NTM: variants seen among roughly 807,000 people sequenced by gnomAD.
NTM encodes IgLON family member 2.
NTM carries 13 observed loss-of-function variants against 42.1 expected under a neutral mutation model. That is an observed-to-expected ratio of 0.31 (90% confidence interval 0.20 to 0.49). The LOEUF (loss-of-function observed/expected upper bound fraction) is 0.49, where lower values mean the gene tolerates loss of function less well. Among genes scored for constraint, NTM ranks in the 20% least tolerant of loss-of-function variants. The pLI, the probability that NTM is intolerant of heterozygous loss-of-function variation, is 0.99. For missense variants in NTM, 373 were observed against 452.8 expected (o/e 0.82, Z 1.60); for synonymous variants, 187 against 179.2 (o/e 1.04, Z -0.35).
intron 1 of NTM, among the ~76,000 whole-genome samples, chr11:131,559,819 C>T (rs1402158650): frequency 6.6e-6 from 1 of 152,190 alleles, no homozygotes; most frequent in Non-Finnish European, 1.5e-5. Context: ...ACATGAGAGG[C>T]TCACTTTCGT....
Position 131,598,703 on chromosome 11 carries a change from CTTTCTTTCTTTCTT to C in NTM, c.82+227817_82+227830del, listed in dbSNP as rs1328429722. On this transcript the variant is annotated intron_variant, in intron 1 of 8. Coordinates refer to ENST00000683400, the MANE Select transcript of NTM (RefSeq NM_001352005.2). ...ATTTGTTTTCTTTCTTTCTTTCTTT[CTTTCTTTCTTTCTT>C]TCTTTCTTTCTTTCTTTCTTTCTTT... 9.7e-4 allele frequency among the ~76,000 whole-genome samples: 45 copies of C among 46,558 alleles called. 2 individuals are homozygous for C. Among genetic ancestry groups the C allele is most frequent in the South Asian group, 9.1e-3 (11 of 1,212 alleles). 30.5% of individuals were successfully genotyped at this position (46,558 alleles called of 152,430 possible).
chr11:131,963,752 A>G (rs1021758563), intron 2 of NTM, among the ~76,000 whole-genome samples: 2 of 152,242 alleles, frequency 1.3e-5, no homozygotes, highest in Admixed American at 1.3e-4. Flanking sequence ...AATAATGATG[A>G]CAGCTACACT....
At chr11:131,612,062 G>A (rs552767961) in intron 1 of NTM, among the ~76,000 whole-genome samples, 1 of 152,254 alleles carries the variant, frequency 6.6e-6, no homozygotes, top group South Asian at 2.1e-4. Context: ...TATCACATTT[G>A]CCACCACATC....
chr11:132,151,250 C>T (rs1043580437), intron 3 of NTM, among the ~76,000 whole-genome samples: 1 of 152,206 alleles, frequency 6.6e-6, no homozygotes, highest in Admixed American at 6.5e-5. Context: ...GTGGATAAAA[C>T]ATTCAGTGGG....
At chr11:132,222,783 A>G (rs756245690) in intron 4 of NTM, among the ~76,000 whole-genome samples, 15 of 152,072 alleles carry the variant, frequency 9.9e-5, no homozygotes, top group Non-Finnish European at 1.6e-4. Context: ...ACCCTGAAAA[A>G]CAAACCTCTT....
intron 2 of NTM, among the ~76,000 whole-genome samples, chr11:131,934,986 G>C (rs550242411): frequency 1.3e-5 from 2 of 152,302 alleles, no homozygotes; most frequent in South Asian, 4.2e-4. Context: ...TGGCCTCTTG[G>C]AGACTGGCTT....
chr11:131,852,525 C>T (rs566826223), intron 1 of NTM, among the ~76,000 whole-genome samples: 11 of 152,218 alleles, frequency 7.2e-5, no homozygotes, highest in African/African-American at 1.9e-4. Flanking sequence ...AAGAGGTAGG[C>T]TAGCAGGTGG....
intron 2 of NTM, among the ~76,000 whole-genome samples, chr11:132,123,576 C>T (rs1424025650): frequency 6.6e-6 from 1 of 152,146 alleles, no homozygotes; most frequent in Non-Finnish European, 1.5e-5. Flanking sequence ...CTGTTTTCGG[C>T]GAGAGCTAGG....
intron 2 of NTM, among the ~76,000 whole-genome samples, chr11:132,129,284 G>A (rs1231103171): frequency 6.6e-6 from 1 of 152,134 alleles, no homozygotes; most frequent in African/African-American, 2.4e-5. Flanking sequence ...TACTATTGAT[G>A]CTCTAAGTGA....
At chr11:131,988,514 A>G (rs1349029052) in intron 2 of NTM, among the ~76,000 whole-genome samples, 1 of 152,198 alleles carries the variant, frequency 6.6e-6, no homozygotes, top group Non-Finnish European at 1.5e-5. Context: ...GCCTGGTGAC[A>G]TAGTGACTGG....
intron 1 of NTM, among the ~76,000 whole-genome samples, chr11:131,558,476 A>G (rs1404054129): frequency 2.6e-5 from 4 of 152,154 alleles, no homozygotes; most frequent in African/African-American, 9.6e-5. Context: ...TGGTTTTATG[A>G]TTCCAAAGGG....
intron 1 of NTM, among the ~76,000 whole-genome samples, chr11:131,759,507 C>T (rs537203053): frequency 6.6e-6 from 1 of 152,132 alleles, no homozygotes; most frequent in Non-Finnish European, 1.5e-5. Context: ...TACCTCTTCT[C>T]TCTTCCTCCT....
chr11:131,982,826 G>A (rs908475447), intron 2 of NTM, among the ~76,000 whole-genome samples: 1 of 152,124 alleles, frequency 6.6e-6, no homozygotes, highest in African/African-American at 2.4e-5. Flanking sequence ...AAGAAAAAAA[G>A]CCAATTTAAT....
chr11:131,471,733 TC>T (rs944692886), intron 1 of NTM, among the ~76,000 whole-genome samples: 3 of 152,042 alleles, frequency 2.0e-5, no homozygotes, highest in Admixed American at 2.0e-4. Flanking sequence ...TACTCCAGGG[TC>T]TCCAGCATAG....
At position 132,004,632 on chromosome 11, in the gene NTM, T is replaced by TCA. The variant is rs1487790529; in HGVS notation, c.167+92985_167+92986insAC. ...CTCTCTCTCTCTCTCTCTCTCTCTCTCTCACACACACACACACACACAACA... is the reference window on the plus strand; with the variant it reads ...CTCTCTCTCTCTCTCTCTCTCTCTCTCACTCACACACACACACACACACAACA... On this transcript the variant is annotated intron_variant, in intron 2 of 8. Coordinates refer to ENST00000683400, the MANE Select transcript of NTM (RefSeq NM_001352005.2). Among the ~76,000 whole-genome samples, 920 of 143,220 alleles carry TCA rather than the reference T, an allele frequency of 6.4e-3. 13 individuals are homozygous for TCA. The highest frequency in any genetic ancestry group is 0.023 in the African/African-American group (885 of 38,326). 94.0% of individuals were successfully genotyped at this position (143,220 alleles called of 152,430 possible).
intron 1 of NTM, among the ~76,000 whole-genome samples, chr11:131,783,295 C>A (rs1266099088): frequency 6.6e-6 from 1 of 151,984 alleles, no homozygotes; most frequent in Non-Finnish European, 1.5e-5. Context: ...CTTGAAACTA[C>A]AAAACATTGC....
At chr11:132,301,011 A>C (rs1457547881) in intron 4 of NTM, among the ~76,000 whole-genome samples, 1 of 152,164 alleles carries the variant, frequency 6.6e-6, no homozygotes, top group Non-Finnish European at 1.5e-5. Context: ...TTGACACCAG[A>C]ACTCACAGTG....
intron 1 of NTM, among the ~76,000 whole-genome samples, chr11:131,879,984 G>A (rs1209923577): frequency 6.6e-6 from 1 of 152,186 alleles, no homozygotes; most frequent in Non-Finnish European, 1.5e-5. Flanking sequence ...CACCTTCAAG[G>A]ATTACAATAG....
chr11:132,325,778 C>A (rs924572082), intron 7 of NTM, among the ~76,000 whole-genome samples: 3 of 152,170 alleles, frequency 2.0e-5, no homozygotes, highest in African/African-American at 4.8e-5. Context: ...AAATTTCCAA[C>A]AACAATAGAC....
Sources: allele counts gnomAD v4.1 joint callset (sites outside exome capture counted in the v4.1 genomes callset), GRCh38; gene constraint gnomAD v4.1.1; transcripts MANE v1.5; gene names NCBI Gene and HGNC (gene_info 2026-07-23, HGNC 2026-07-21).